The following ZNF83 variants were observed in gnomAD, a reference collection of about 807,000 sequenced individuals.
The protein encoded by ZNF83 is zinc finger protein 816B.
For missense variants in ZNF83, 552 were observed against 629.9 expected (o/e 0.88, Z 1.32); for synonymous variants, 209 against 213.0 (o/e 0.98, Z 0.17).
chr19:52,681,285 A>AAAAAAAAAAAAAAAAAAAAAAG (rs2061915054), intron 1 of ZNF83, among the ~76,000 whole-genome samples: 1 of 143,240 alleles, frequency 7.0e-6, no homozygotes, highest in African/African-American at 2.8e-5. Context: ...TTTCTCAAAA[A>AAAAAAAAAAAAAAAAAAAAAAG]AAAAAAAAAA....
chr19:52,613,227 A>C (rs560315266), exon 3 of ZNF83: 3 of 1,613,644 alleles, frequency 1.9e-6, no homozygotes, highest in Non-Finnish European at 2.5e-6. Context: ...TTTTCCGATG[A>C]TGTGCTAGGG....
rs1018460026 is a variant in ZNF83, at chr19:52,662,032, G to A, written c.-282-1189C>T. ...AGAGGGAGTGAGGAGGACACAGGCA[G>A]GAGATGAGATCAGGGAGGTCCTGGG... On this transcript the variant is annotated intron_variant, in intron 1 of 5. Coordinates refer to the ZNF83 transcript ENST00000594682. Among the ~76,000 whole-genome samples the A allele has an allele frequency of 3.3e-5, 5 of 151,038 alleles. No homozygotes were observed. The Admixed American group carries it at 3.4e-4, about 10-fold the overall frequency.
chr19:52,668,898 T>C (rs754318150), intron 1 of ZNF83, among the ~76,000 whole-genome samples: 1 of 152,192 alleles, frequency 6.6e-6, no homozygotes, highest in Non-Finnish European at 1.5e-5. Flanking sequence ...CTCTGTCTGC[T>C]ATATCCCAAA....
chr19:52,689,743 C>T (rs8103312), intron 1 of ZNF83, among the ~76,000 whole-genome samples: 9,288 of 148,634 alleles, frequency 0.062, 761 homozygotes, highest in African/African-American at 0.19. Context: ...TCAGGTTTTC[C>T]ACTGCTCTCT....
chr19:52,680,891 C>T (rs996508502), intron 1 of ZNF83, among the ~76,000 whole-genome samples: 5 of 151,666 alleles, frequency 3.3e-5, no homozygotes, highest in South Asian at 2.1e-4. Flanking sequence ...GGATTACAGG[C>T]GTGAGCCACC....
At chr19:52,689,441 C>T (rs918891793) in intron 1 of ZNF83, among the ~76,000 whole-genome samples, 18 of 151,744 alleles carry the variant, frequency 1.2e-4, no homozygotes, top group Non-Finnish European at 1.6e-4. Flanking sequence ...CCCTGCTGTG[C>T]TTCTCCCTCT....
intron 1 of ZNF83, among the ~76,000 whole-genome samples, chr19:52,673,439 G>A (rs1036248656): frequency 1.3e-5 from 2 of 152,000 alleles, no homozygotes; most frequent in African/African-American, 4.8e-5. Context: ...GAAGGCAGAG[G>A]TTGCAGTGAG....
chr19:52,663,321 C>T (rs998321689), intron 1 of ZNF83, among the ~76,000 whole-genome samples: 2 of 152,110 alleles, frequency 1.3e-5, no homozygotes. Context: ...CAATTGTGAA[C>T]CCCTAGCTAT....
chr19:52,633,153 C>G (rs188739875), intron 2 of ZNF83, among the ~76,000 whole-genome samples: 15 of 152,282 alleles, frequency 9.9e-5, no homozygotes, highest in Admixed American at 7.2e-4. Context: ...TTGTGAAATT[C>G]CTTCTCCTGG....
At chr19:52,658,561 C>G (rs1191907310) in intron 2 of ZNF83, among the ~76,000 whole-genome samples, 3 of 152,106 alleles carry the variant, frequency 2.0e-5, no homozygotes, top group African/African-American at 7.2e-5. Context: ...TTGGGATTTA[C>G]TCAAGATAGG....
intron 1 of ZNF83, among the ~76,000 whole-genome samples, chr19:52,666,364 G>T (rs1286679216): frequency 6.6e-6 from 1 of 151,940 alleles, no homozygotes; most frequent in African/African-American, 2.4e-5. Context: ...GATAATTGAA[G>T]GTCTTCTCCA....
intron 3 of ZNF83, chr19:52,655,188 A>AAAAAC (rs1308269980): frequency 9.6e-6 from 2 of 207,590 alleles, no homozygotes; most frequent in South Asian, 1.0e-4. Context: ...CTCTGTCTCA[A>AAAAAC]AAAACAAAAC....
intron 1 of ZNF83, among the ~76,000 whole-genome samples, chr19:52,675,012 C>T (rs927841860): frequency 7.9e-5 from 12 of 152,152 alleles, no homozygotes; most frequent in African/African-American, 1.7e-4. Context: ...TGAGCCACCA[C>T]GGCCAGCTAC....
At chr19:52,637,747 C>T (rs2147206164) in intron 1 of ZNF83, among the ~76,000 whole-genome samples, 1 of 152,284 alleles carries the variant, frequency 6.6e-6, no homozygotes. Flanking sequence ...CAGGCAAGAA[C>T]ACCCCGTGTC....
intron 1 of ZNF83, among the ~76,000 whole-genome samples, chr19:52,678,012 G>C (rs1433341813): frequency 1.4e-5 from 2 of 147,108 alleles, no homozygotes; most frequent in Non-Finnish European, 3.0e-5. Context: ...TACAACCTGG[G>C]TGACAGAGTG....
intron 3 of ZNF83, among the ~76,000 whole-genome samples, chr19:52,648,151 A>G (rs1270756711): frequency 1.4e-5 from 2 of 140,280 alleles, no homozygotes; most frequent in Admixed American, 1.4e-4. Flanking sequence ...CTGCTTTCTT[A>G]TCTTTTTTTT....
intron 3 of ZNF83, among the ~76,000 whole-genome samples, chr19:52,647,275 T>C (rs1254316662): frequency 6.6e-6 from 1 of 152,220 alleles, no homozygotes; most frequent in Non-Finnish European, 1.5e-5. Flanking sequence ...ACATGTCTTA[T>C]AGATAGGCAT....
intron 3 of ZNF83, chr19:52,655,284 T>C: frequency 3.1e-6 from 1 of 324,424 alleles, no homozygotes. Flanking sequence ...CTGACAATTC[T>C]GCTCAGGGCT....
intron 1 of ZNF83, among the ~76,000 whole-genome samples, chr19:52,673,036 C>T (rs1211695911): frequency 1.3e-5 from 2 of 151,978 alleles, no homozygotes; most frequent in Non-Finnish European, 2.9e-5. Flanking sequence ...TGGCTCAAAC[C>T]TATAAGCCCT....
Sources: gnomAD v4.1 joint callset for allele counts (sites outside exome capture counted in the v4.1 genomes callset) on GRCh38, gnomAD v4.1.1 for gene constraint, MANE v1.5 for transcripts, NCBI Gene and HGNC (gene_info 2026-07-23, HGNC 2026-07-21) for gene names.